RAD52: variants seen among roughly 807,000 people sequenced by gnomAD.
The protein encoded by RAD52 is RAD52 DNA repair protein.
A neutral mutation model predicts 55.5 loss-of-function variants in RAD52; 47 were observed. That is an observed-to-expected ratio of 0.85 (90% CI 0.67 to 1.08). The LOEUF (loss-of-function observed/expected upper bound fraction) is 1.08, where lower values mean the gene tolerates loss of function less well. RAD52 is among the 50% of genes least tolerant of loss of function. The probability of loss-of-function intolerance (pLI) is 0.00; values close to 1 mark genes in which losing one functional copy is unlikely to be tolerated. For synonymous variants in RAD52, 184 were observed against 198.9 expected (o/e 0.92, Z 0.63); for missense variants, 468 against 522.8 (o/e 0.90, Z 1.02).
chr12:983,569 G>A (rs974032649), intron 1 of RAD52, among the ~76,000 whole-genome samples: 2 of 151,872 alleles, frequency 1.3e-5, no homozygotes, highest in Non-Finnish European at 2.9e-5. Context: ...ACAGGTGCCC[G>A]CCACCATGCC....
At chr12:955,238 G>A (rs1350585249) in intron 1 of RAD52, among the ~76,000 whole-genome samples, 1 of 152,320 alleles carries the variant, frequency 6.6e-6, no homozygotes, top group East Asian at 1.9e-4. Context: ...TATGTATGAT[G>A]ACTTCTAAAT....
intron 1 of RAD52, among the ~76,000 whole-genome samples, chr12:981,771 T>TAAATAAAATAAAATA (rs59388253): frequency 0.38 from 53,030 of 139,394 alleles, 10,822 homozygotes; most frequent in Non-Finnish European, 0.43. Context: ...AATAAATAAA[T>TAAATAAAATAAAATA]AAATAAAATA....
chr12:972,500 C>T (rs1592488534), intron 1 of RAD52, among the ~76,000 whole-genome samples: 1 of 152,054 alleles, frequency 6.6e-6, no homozygotes, highest in South Asian at 2.1e-4. Context: ...GGCGTGGTGG[C>T]TCACGCCTGT....
chr12:987,526 T>G (rs558238460), intron 1 of RAD52, among the ~76,000 whole-genome samples: 1 of 151,920 alleles, frequency 6.6e-6, no homozygotes, highest in African/African-American at 2.4e-5. Flanking sequence ...TTATTTTCTC[T>G]CACAATTTCC....
At chr12:918,601 G>A (rs370598944) in intron 7 of RAD52, among the ~76,000 whole-genome samples, 1 of 151,872 alleles carries the variant, frequency 6.6e-6, no homozygotes, top group Non-Finnish European at 1.5e-5. Context: ...GTACAGACAG[G>A]GTCCCACTAT....
chr12:916,595 A>G, intron 8 of RAD52, 44 bp downstream of exon 8: 1 of 1,598,960 alleles, frequency 6.3e-7, no homozygotes, highest in African/African-American at 1.3e-5. Context: ...GCCCCGTGAC[A>G]CAGGAGGGGC....
chr12:924,948 T>G (rs890687089), intron 7 of RAD52, among the ~76,000 whole-genome samples: 2 of 10,890 alleles, frequency 1.8e-4, no homozygotes, highest in African/African-American at 4.7e-4. Context: ...AATGGTGTGA[T>G]TTTTTTTTTT....
At chr12:970,560 G>A (rs1265733462) in intron 1 of RAD52, among the ~76,000 whole-genome samples, 6 of 152,122 alleles carry the variant, frequency 3.9e-5, no homozygotes, top group Non-Finnish European at 8.8e-5. Flanking sequence ...TGAAAGTTTG[G>A]CCTATTAGGA....
At chr12:943,560 G>C (rs543497233) in intron 1 of RAD52, among the ~76,000 whole-genome samples, 1 of 152,212 alleles carries the variant, frequency 6.6e-6, no homozygotes, top group South Asian at 2.1e-4. Flanking sequence ...TATTGCTCAG[G>C]CTGGTCTCGA....
intron 1 of RAD52, among the ~76,000 whole-genome samples, chr12:970,176 A>G (rs934727635): frequency 3.9e-5 from 6 of 151,938 alleles, no homozygotes; most frequent in African/African-American, 7.3e-5. Flanking sequence ...GTGTGGTGGC[A>G]GGTGCCTGTG....
intron 1 of RAD52, among the ~76,000 whole-genome samples, chr12:978,207 C>T (rs1310899359): frequency 6.6e-6 from 1 of 152,004 alleles, no homozygotes; most frequent in African/African-American, 2.4e-5. Flanking sequence ...CCATGCCCGG[C>T]TAATTTTTCT....
At chr12:981,629 C>G (rs559837930) in intron 1 of RAD52, among the ~76,000 whole-genome samples, 1 of 151,576 alleles carries the variant, frequency 6.6e-6, no homozygotes, top group South Asian at 2.1e-4. Flanking sequence ...TGGTGGTGCG[C>G]GCCTGTAATC....
chr12:987,685 T>A (rs1415200891), intron 1 of RAD52, among the ~76,000 whole-genome samples: 1 of 151,934 alleles, frequency 6.6e-6, no homozygotes, highest in Non-Finnish European at 1.5e-5. Flanking sequence ...CTCAGCCACC[T>A]GAGTAGCTGG....
Position 914,018 on chromosome 12 carries a change from T to C in RAD52, c.1071A>G (p.Thr357=). The change falls in exon 11 of 12, where the codon ACA becomes ACG. Residue 357 remains threonine (T), a synonymous_variant. Transcript: ENST00000358495. Reference sequence around the variant, plus strand: ...TCACCATCTGGTTGTTCAAGGCTAATGTGTCAGAGGTCTGGGCTGGGTCTG... The same window carrying C: ...TCACCATCTGGTTGTTCAAGGCTAACGTGTCAGAGGTCTGGGCTGGGTCTG... ...SRADPAQTSD[T]LALNNQMVTQ... is the part of the protein sequence containing the mutation. 6.2e-7 allele frequency: 1 copy of C among 1,614,194 alleles called. No homozygotes were observed. Among genetic ancestry groups the C allele is most frequent in the Non-Finnish European group, 8.5e-7 (1 of 1,180,022 alleles).
chr12:971,289 A>T (rs1958847213), intron 1 of RAD52, among the ~76,000 whole-genome samples: 1 of 148,002 alleles, frequency 6.8e-6, no homozygotes, highest in South Asian at 2.1e-4. Context: ...AGGGCATGGT[A>T]TTTTTTTTTT....
intron 1 of RAD52, among the ~76,000 whole-genome samples, chr12:943,828 A>G (rs2154118177): frequency 6.8e-6 from 1 of 147,252 alleles, no homozygotes; most frequent in Non-Finnish European, 1.5e-5. Context: ...TGGCATCCTG[A>G]GCCCTAAGAA....
At chr12:942,803 G>T (rs1338420384) in intron 1 of RAD52, among the ~76,000 whole-genome samples, 1 of 150,944 alleles carries the variant, frequency 6.6e-6, no homozygotes, top group East Asian at 1.9e-4. Context: ...ACAGCCTGAA[G>T]GTAGCCAAGA....
upstream of RAD52, among the ~76,000 whole-genome samples, chr12:953,943 G>A (rs953262446): frequency 1.3e-5 from 2 of 152,158 alleles, no homozygotes; most frequent in African/African-American, 2.4e-5. Flanking sequence ...CCTGAGTAAT[G>A]ACAGCTTGCT....
chr12:965,886 C>A lies in RAD52; in HGVS notation c.-19+23923G>T, dbSNP rs890041185. Among the ~76,000 whole-genome samples the A allele has an allele frequency of 6.6e-5, 10 of 152,102 alleles. No individual in the cohort carries two copies. In the East Asian group the frequency reaches 1.4e-3, roughly 21 times the overall value. On this transcript the variant is annotated intron_variant, in intron 1 of 11. Transcript: ENST00000430095. ...ATTTTTAGTAGAGACAGGGTTTCGC[C>A]TGTTGGCCAGGCTGATCTCGAACTG...
Sources: gnomAD v4.1 joint callset for allele counts (sites outside exome capture counted in the v4.1 genomes callset) on GRCh38, gnomAD v4.1.1 for gene constraint, MANE v1.5 for transcripts, NCBI Gene and HGNC (gene_info 2026-07-23, HGNC 2026-07-21) for gene names.